Variants in ADAMTS14 observed in about 807,000 individuals in gnomAD.
ADAMTS14 encodes A disintegrin and metalloproteinase with thrombospondin motifs 14.
A neutral mutation model predicts 128.6 loss-of-function variants in ADAMTS14; 100 were observed. The observed-to-expected ratio is 0.78, with a 90% CI of 0.66 to 0.92. The LOEUF (loss-of-function observed/expected upper bound fraction) is 0.92. Among genes scored for constraint, ADAMTS14 ranks in the 40% least tolerant of loss-of-function variants. ADAMTS14 has a pLI of 0.00. For missense variants in ADAMTS14, 1,562 were observed against 1,658.6 expected, an observed-to-expected ratio of 0.94 and a Z score of 1.01; for synonymous variants, 665 against 653.8, an observed-to-expected ratio of 1.02 and a Z score of -0.26.
rs182236254 is a variant in ADAMTS14 at position 70,683,012 on chromosome 10, C to T, written c.522+8017C>T. ...AGGGGACAGCATTTGTCGTCCTCTCCGTGGCTATCTGGCCATCTGCTCCTA... is the reference window on the plus strand; with the variant it reads ...AGGGGACAGCATTTGTCGTCCTCTCTGTGGCTATCTGGCCATCTGCTCCTA... On this transcript the variant is annotated intron_variant, in intron 2 of 21. Transcript: ENST00000373207. Among the ~76,000 whole-genome samples the T allele has an allele frequency of 9.8e-4, 150 of 152,352 alleles. 1 individual carries two copies. The highest frequency in any genetic ancestry group is 6.0e-3 in the East Asian group (31 of 5,184).
intron 4 of ADAMTS14, among the ~76,000 whole-genome samples, chr10:70,726,479 GC>G (rs1171577203): frequency 3.9e-5 from 6 of 152,200 alleles, no homozygotes; most frequent in African/African-American, 9.7e-5. Context: ...TTCTTCTCCT[GC>G]CCCCGGGATA....
At chr10:70,747,638 T>G (rs1390569071) in intron 15 of ADAMTS14, among the ~76,000 whole-genome samples, 1 of 152,182 alleles carries the variant, frequency 6.6e-6, no homozygotes. Flanking sequence ...GAAGAACTAG[T>G]CTTCTGTGGA....
intron 4 of ADAMTS14, among the ~76,000 whole-genome samples, chr10:70,716,705 G>T (rs1216920074): frequency 1.3e-5 from 2 of 152,206 alleles, no homozygotes; most frequent in East Asian, 3.9e-4. Flanking sequence ...GATTTCCGGG[G>T]CCAGGTCTGG....
At chr10:70,752,020 A>G (rs527809915) in intron 17 of ADAMTS14, 75 bp from the exon 18 acceptor site, 17 of 1,552,554 alleles carry the variant, frequency 1.1e-5, no homozygotes, top group African/African-American at 2.7e-5. Context: ...CTCCACAGGT[A>G]CTGCCCCTGA....
At chr10:70,685,297 G>T (rs960196868) in intron 2 of ADAMTS14, among the ~76,000 whole-genome samples, 3 of 152,198 alleles carry the variant, frequency 2.0e-5, no homozygotes, top group Non-Finnish European at 4.4e-5. Context: ...TTCAGCATGT[G>T]GGTCTTGCCC....
intron 2 of ADAMTS14, among the ~76,000 whole-genome samples, chr10:70,691,842 G>A (rs1221165603): frequency 2.0e-5 from 3 of 152,042 alleles, no homozygotes; most frequent in Non-Finnish European, 4.4e-5. Flanking sequence ...CTCAGGGAAC[G>A]TACTTATTGT....
At chr10:70,704,812 C>T (rs1840609395) in intron 3 of ADAMTS14, among the ~76,000 whole-genome samples, 1 of 151,896 alleles carries the variant, frequency 6.6e-6, no homozygotes, top group Non-Finnish European at 1.5e-5. Context: ...CACACACCAT[C>T]TATACCCTCA....
chr10:70,700,129 G>T (rs1410265556), intron 2 of ADAMTS14, among the ~76,000 whole-genome samples: 2 of 152,076 alleles, frequency 1.3e-5, no homozygotes, highest in African/African-American at 4.8e-5. Flanking sequence ...TCCCGGGCCT[G>T]GAGCCACCAG....
chr10:70,696,314 C>T (rs982131192), intron 2 of ADAMTS14, among the ~76,000 whole-genome samples: 8 of 147,696 alleles, frequency 5.4e-5, no homozygotes, highest in South Asian at 2.2e-4. Context: ...GAGGACAGTG[C>T]GCAGCAGGGT....
At chr10:70,679,536 C>T (rs1589255630) in intron 2 of ADAMTS14, among the ~76,000 whole-genome samples, 3 of 152,314 alleles carry the variant, frequency 2.0e-5, no homozygotes, top group Admixed American at 2.0e-4. Flanking sequence ...CCCTGCTTCT[C>T]AGTGGGGCTG....
At chr10:70,708,076 A>G (rs975874619) in intron 3 of ADAMTS14, among the ~76,000 whole-genome samples, 12 of 152,212 alleles carry the variant, frequency 7.9e-5, no homozygotes, top group African/African-American at 2.7e-4. Context: ...GGGGTCACTG[A>G]CAGTTCTTGG....
intron 7 of ADAMTS14, 42 bp downstream of exon 7, chr10:70,732,401 C>A: frequency 2.0e-6 from 3 of 1,524,060 alleles, no homozygotes; most frequent in Non-Finnish European, 2.7e-6. Context: ...GCAGCTGTGC[C>A]GTGAGCTCCA....
At chr10:70,705,384 G>T (rs11596392) in intron 3 of ADAMTS14, among the ~76,000 whole-genome samples, 4 of 152,086 alleles carry the variant, frequency 2.6e-5, no homozygotes, top group Non-Finnish European at 4.4e-5. Flanking sequence ...GCCCGAGCTC[G>T]GGCTCTCCGT....
At chr10:70,739,229 T>C (rs58764102) in intron 11 of ADAMTS14, among the ~76,000 whole-genome samples, 105 of 152,248 alleles carry the variant, frequency 6.9e-4, no homozygotes, top group African/African-American at 2.4e-3. Flanking sequence ...CTCAAGCTCA[T>C]GCGCAGAAGA....
chr10:70,673,853 A>G (rs1226374253), intron 1 of ADAMTS14, among the ~76,000 whole-genome samples: 1 of 152,158 alleles, frequency 6.6e-6, no homozygotes, highest in Non-Finnish European at 1.5e-5. Context: ...GGCCTGGAGC[A>G]TGGGGCCATG....
intron 4 of ADAMTS14, among the ~76,000 whole-genome samples, chr10:70,724,508 C>A (rs1436089733): frequency 6.6e-6 from 1 of 152,246 alleles, no homozygotes; most frequent in African/African-American, 2.4e-5. Flanking sequence ...CACAGCCAGG[C>A]TGGAGTCTGT....
intron 8 of ADAMTS14, 49 bp from the exon 9 acceptor site, chr10:70,735,120 G>T (rs1564546486): frequency 6.3e-7 from 1 of 1,588,948 alleles, no homozygotes; most frequent in Non-Finnish European, 8.6e-7. Flanking sequence ...GGGAAAGCCT[G>T]GGACTTCCTG....
chr10:70,695,636 G>C (rs977448958), intron 2 of ADAMTS14, among the ~76,000 whole-genome samples: 1 of 152,142 alleles, frequency 6.6e-6, no homozygotes, highest in African/African-American at 2.4e-5. Context: ...AGAGCAACTG[G>C]GAAAAAGGCA....
At chr10:70,721,724 A>G (rs917631713) in intron 4 of ADAMTS14, among the ~76,000 whole-genome samples, 3 of 152,078 alleles carry the variant, frequency 2.0e-5, no homozygotes, top group Non-Finnish European at 4.4e-5. Flanking sequence ...AGATAAGGCA[A>G]CATGAACAGG....
Sources: allele counts gnomAD v4.1 joint callset (sites outside exome capture counted in the v4.1 genomes callset), GRCh38; gene constraint gnomAD v4.1.1; transcripts MANE v1.5; gene names NCBI Gene and HGNC (gene_info 2026-07-23, HGNC 2026-07-21).